Variants in C11orf54 observed in about 807,000 individuals in gnomAD.
The protein encoded by C11orf54 is beta-keto L-gulonate decarboxylase.
In C11orf54, 29 loss-of-function variants were observed where a neutral mutation model predicts 35.5. The observed-to-expected ratio is 0.82, with a 90% CI of 0.61 to 1.11. The LOEUF (loss-of-function observed/expected upper bound fraction) is 1.11, where lower values mean the gene tolerates loss of function less well. Among genes scored for constraint, C11orf54 ranks in the 50% most tolerant of loss-of-function variants. C11orf54 has a pLI of 0.00. For missense variants in C11orf54, 373 were observed against 369.2 expected, an observed-to-expected ratio of 1.01 and a Z score of -0.08; for synonymous variants, 108 against 121.1, an observed-to-expected ratio of 0.89 and a Z score of 0.71.
intron 2 of C11orf54, 117 bp downstream of exon 2, chr11:93,747,565 A>T (rs1283970842): frequency 1.8e-5 from 4 of 227,650 alleles, no homozygotes; most frequent in South Asian, 1.1e-4. Context: ...CTTACTTATC[A>T]AAATAATACT....
chr11:93,764,572 T>TGG lies in C11orf54; in HGVS notation c.*2888_*2889dup, dbSNP rs1943580820. On this transcript the variant is annotated 3_prime_UTR_variant, in exon 9 of 9. Coordinates refer to ENST00000354421, the MANE Select transcript of C11orf54 (RefSeq NM_001286069.2). ...GTACATTCACACCATCTAATAGAGA[T>TGG]GGGGGAAAAGATCAAAATGCTTTTC... 6.6e-6 allele frequency: 1 copy of TGG among 152,162 alleles called. No individual in the cohort carries two copies. Among genetic ancestry groups the TGG allele is most frequent in the African/African-American group, 2.4e-5 (1 of 41,458 alleles). The allele number at this position is 152,162 out of a possible 1,614,324, so 9.4% of individuals were successfully genotyped here. A position where few individuals can be genotyped will look rare whatever the true frequency, so the allele number is the denominator to read the frequency against.
intron 5 of C11orf54, among the ~76,000 whole-genome samples, chr11:93,754,652 AG>A (rs1309228854): frequency 6.6e-6 from 1 of 152,034 alleles, no homozygotes; most frequent in African/African-American, 2.4e-5. Context: ...TGTTCAAGTT[AG>A]GAAAAAAAGT....
At chr11:93,757,173 G>A (rs776724769) in intron 6 of C11orf54, 143 bp from the exon 7 acceptor site, 34 of 785,330 alleles carry the variant, frequency 4.3e-5, no homozygotes, top group Non-Finnish European at 5.6e-5. Flanking sequence ...CAAAATTCAC[G>A]GGATTGCAAC....
chr11:93,757,833 C>T (rs1363097624), intron 7 of C11orf54, among the ~76,000 whole-genome samples: 10 of 152,124 alleles, frequency 6.6e-5, no homozygotes, highest in African/African-American at 2.4e-5. Flanking sequence ...CGGGCCAGAT[C>T]TTAGGATTGT....
Position 93,755,190 on chromosome 11 carries a change from T to C in C11orf54, c.331-20T>C. 1.2e-6 allele frequency: 2 copies of C among 1,610,244 alleles called. No homozygotes were observed. Among genetic ancestry groups the C allele is most frequent in the Non-Finnish European group, 1.7e-6 (2 of 1,177,000 alleles). Reference sequence around the variant, plus strand: ...TTGCAGAGATACAAAGATTGACTAATTGCCTCACTTTCTTTTCAGTTTATG... The same window carrying C: ...TTGCAGAGATACAAAGATTGACTAACTGCCTCACTTTCTTTTCAGTTTATG... On this transcript the variant is annotated intron_variant, in intron 5 of 8. Coordinates refer to ENST00000354421, the MANE Select transcript of C11orf54 (RefSeq NM_001286069.2).
intron 7 of C11orf54, among the ~76,000 whole-genome samples, chr11:93,758,127 T>C (rs970340845): frequency 6.6e-6 from 1 of 152,104 alleles, no homozygotes; most frequent in Non-Finnish European, 1.5e-5. Flanking sequence ...CTGGTCAACA[T>C]AGTGATGATG....
At chr11:93,756,149 A>G (rs1478144918) in intron 6 of C11orf54, among the ~76,000 whole-genome samples, 1 of 73,592 alleles carries the variant, frequency 1.4e-5, no homozygotes, top group Non-Finnish European at 3.3e-5. Flanking sequence ...CCTGGGCAAC[A>G]AAGCAAGACT....
At chr11:93,758,263 G>A (rs1427396080) in intron 7 of C11orf54, among the ~76,000 whole-genome samples, 3 of 152,196 alleles carry the variant, frequency 2.0e-5, no homozygotes, top group Non-Finnish European at 4.4e-5. Flanking sequence ...CTGGAGCTCC[G>A]TTGGTGCCGC....
At chr11:93,755,752 CAAAAAAAA>C (rs11452678) in intron 6 of C11orf54, among the ~76,000 whole-genome samples, 1 of 109,802 alleles carries the variant, frequency 9.1e-6, no homozygotes, top group Non-Finnish European at 1.8e-5. Flanking sequence ...GACTCTGTCT[CAAAAAAAA>C]AAAAAAAAAG....
chr11:93,761,445 AAGT>A, intron 8 of C11orf54, 67 bp from the exon 9 acceptor site: 1 of 1,395,054 alleles, frequency 7.2e-7, no homozygotes, highest in Non-Finnish European at 9.7e-7. Flanking sequence ...GCAACGTAAA[AAGT>A]TATCCCTCCC....
intron 2 of C11orf54, among the ~76,000 whole-genome samples, chr11:93,749,413 CA>C: frequency 7.1e-6 from 1 of 140,516 alleles, no homozygotes; most frequent in Non-Finnish European, 1.5e-5. Context: ...GCCTGGAGAT[CA>C]AGGCTGAGTG....
At chr11:93,759,639 G>A (rs113236998) in intron 7 of C11orf54, 103 bp from the exon 8 acceptor site, 3 of 483,598 alleles carry the variant, frequency 6.2e-6, no homozygotes, top group African/African-American at 4.1e-5. Flanking sequence ...AGAACTTCAA[G>A]TATAATTAAA....
rs1208796423 is a variant in C11orf54 at position 93,764,072 on chromosome 11, C to G, written c.*2384C>G. 1 of 152,276 alleles carries G rather than the reference C, an allele frequency of 6.6e-6. No homozygotes were observed. The highest frequency in any genetic ancestry group is 1.5e-5 in the Non-Finnish European group (1 of 68,168). 9.4% of individuals were successfully genotyped at this position (152,276 alleles called of 1,614,324 possible). A position where few individuals can be genotyped will look rare whatever the true frequency, so the allele number is the denominator to read the frequency against. ...CAAGTCATCTTCCTGCCTCGGCCTC[C>G]CAAAGTGCTGGGATTACAGGCATGG... On this transcript the variant is annotated 3_prime_UTR_variant, in exon 9 of 9. Coordinates refer to ENST00000354421, the MANE Select transcript of C11orf54 (RefSeq NM_001286069.2).
At chr11:93,756,773 TTCAG>T (rs1394327402) in intron 6 of C11orf54, among the ~76,000 whole-genome samples, 5 of 152,148 alleles carry the variant, frequency 3.3e-5, no homozygotes, top group Admixed American at 6.5e-5. Flanking sequence ...AAAATATGAT[TTCAG>T]TGTTAGCTTT....
intron 2 of C11orf54, 100 bp from the exon 3 acceptor site, chr11:93,750,246 G>A: frequency 1.3e-6 from 1 of 784,754 alleles, no homozygotes; most frequent in Non-Finnish European, 2.1e-6. Flanking sequence ...TATTATACAA[G>A]TTGAGATTGG....
In C11orf54 at chr11:93,753,625, TA is replaced by T. The variant is rs3214573; in HGVS notation, c.155-56del. ...TACTGTTGGCATTTTATTATTAAATTAGATGTTTGCCTGTTTTTAAGGTGGC... is the reference window on the plus strand; with the variant it reads ...TACTGTTGGCATTTTATTATTAAATTGATGTTTGCCTGTTTTTAAGGTGGC... On this transcript the variant is annotated intron_variant, in intron 3 of 8. Transcript: ENST00000354421. The T allele has an allele frequency of 2.9e-4, 416 of 1,431,068 alleles. 4 individuals are homozygous for T. In the East Asian group the frequency reaches 9.2e-3, roughly 32 times the overall value. 88.6% of individuals were successfully genotyped at this position (1,431,068 alleles called of 1,614,324 possible). A position where few individuals can be genotyped will look rare whatever the true frequency, so the allele number is the denominator to read the frequency against.
intron 1 of C11orf54, chr11:93,742,260 T>C (rs1347825656): frequency 6.6e-6 from 1 of 152,502 alleles, no homozygotes; most frequent in African/African-American, 2.4e-5. Flanking sequence ...TAGTTTAGTT[T>C]TGGTGGGGTT....
intron 7 of C11orf54, among the ~76,000 whole-genome samples, chr11:93,757,686 C>T (rs1943227265): frequency 6.6e-6 from 1 of 152,184 alleles, no homozygotes; most frequent in Non-Finnish European, 1.5e-5. Context: ...TGCAGCATCA[C>T]AACCGGCTCA....
At chr11:93,751,820 C>CTTTTTTTTTTTTTT (rs35146074) in intron 3 of C11orf54, among the ~76,000 whole-genome samples, 2 of 80,242 alleles carry the variant, frequency 2.5e-5, no homozygotes, top group African/African-American at 4.6e-5. Flanking sequence ...AATGGTTAAT[C>CTTTTTTTTTTTTTT]TTTTTTTTTT....
Sources: gnomAD v4.1 joint callset for allele counts (sites outside exome capture counted in the v4.1 genomes callset) on GRCh38, gnomAD v4.1.1 for gene constraint, MANE v1.5 for transcripts, NCBI Gene and HGNC (gene_info 2026-07-23, HGNC 2026-07-21) for gene names.